Variants in DLG2 observed in about 807,000 individuals in gnomAD.
DLG2 encodes disks large homolog 2.
Under a neutral mutation model 132.5 loss-of-function variants are expected in DLG2, and 45 were observed. The ratio of observed to expected loss-of-function variants is 0.34; its 90% CI spans 0.27 to 0.44. The LOEUF is 0.44. Ranked by LOEUF, DLG2 falls within the 20% of genes least tolerant of loss-of-function variation. The pLI is 1.00. For missense variants in DLG2, 1,045 were observed against 1,196.9 expected, an observed-to-expected ratio of 0.87 and a Z score of 1.87; for synonymous variants, 424 against 419.6, an observed-to-expected ratio of 1.01 and a Z score of -0.13.
Position 85,144,886 on chromosome 11 carries a change from A to G in DLG2, c.282+9670T>C, listed in dbSNP as rs1259663563. Among the ~76,000 whole-genome samples the G allele has an allele frequency of 4.6e-5, 7 of 152,136 alleles. No individual in the cohort carries two copies. The South Asian group carries it at 8.3e-4, about 18-fold the overall frequency. On this transcript the variant is annotated intron_variant, in intron 5 of 27. Coordinates refer to ENST00000376104, the MANE Select transcript of DLG2 (RefSeq NM_001142699.3). ...CAATTACAGTGTTGCAGTATTCTGT[A>G]TTTGGCTGTGTATTTGCTGTTACCA...
intron 2 of DLG2, among the ~76,000 whole-genome samples, chr11:85,604,714 TA>T (rs2153236355): frequency 6.6e-6 from 1 of 152,060 alleles, no homozygotes; most frequent in South Asian, 2.1e-4. Context: ...CTTTTTAAAA[TA>T]AGAAATTTTT....
intron 4 of DLG2, among the ~76,000 whole-genome samples, chr11:85,174,540 A>T (rs1361175173): frequency 6.6e-6 from 1 of 152,200 alleles, no homozygotes; most frequent in Non-Finnish European, 1.5e-5. Flanking sequence ...ACAACCTAAC[A>T]TCACAACTAG....
chr11:85,534,073 C>T (rs2075402748), intron 3 of DLG2, among the ~76,000 whole-genome samples: 1 of 152,042 alleles, frequency 6.6e-6, no homozygotes, highest in Non-Finnish European at 1.5e-5. Context: ...CTGCAGTCCC[C>T]ACCTCCCAGG....
intron 17 of DLG2, 69 bp downstream of exon 17, chr11:83,833,545 T>G: frequency 6.8e-7 from 1 of 1,475,970 alleles, no homozygotes. Context: ...GTATCATAAT[T>G]GAAAGTTATG....
chr11:83,581,356 G>T (rs976090439), intron 19 of DLG2, among the ~76,000 whole-genome samples: 1 of 152,110 alleles, frequency 6.6e-6, no homozygotes, highest in African/African-American at 2.4e-5. Context: ...GAAAGTCTCA[G>T]ATTCAAGAAA....
intron 7 of DLG2, among the ~76,000 whole-genome samples, chr11:84,440,399 TA>T (rs1751953767): frequency 1.3e-5 from 2 of 152,116 alleles, no homozygotes; most frequent in African/African-American, 4.8e-5. Flanking sequence ...AGAATGGCCA[TA>T]AAATTCTCAG....
At chr11:84,733,846 TTCTAC>T (rs1315715211) in intron 6 of DLG2, among the ~76,000 whole-genome samples, 2 of 152,232 alleles carry the variant, frequency 1.3e-5, no homozygotes, top group African/African-American at 4.8e-5. Context: ...AGTTTCAGCT[TTCTAC>T]ATATGGCTAG....
intron 19 of DLG2, among the ~76,000 whole-genome samples, chr11:83,600,611 G>A (rs1285703720): frequency 1.3e-5 from 2 of 152,154 alleles, no homozygotes; most frequent in African/African-American, 4.8e-5. Flanking sequence ...GCAAATACAC[G>A]GCCCTCCTGT....
chr11:84,359,697 T>C (rs1427019108), intron 7 of DLG2, among the ~76,000 whole-genome samples: 1 of 151,888 alleles, frequency 6.6e-6, no homozygotes, highest in Non-Finnish European at 1.5e-5. Flanking sequence ...TCTAATTTAT[T>C]TAGCCCTTCC....
intron 8 of DLG2, among the ~76,000 whole-genome samples, chr11:84,227,770 T>C (rs1056857943): frequency 2.2e-4 from 34 of 151,988 alleles, no homozygotes; most frequent in South Asian, 1.0e-3. Context: ...AAAAATTAGC[T>C]AGCTGTGGTG....
rs10661977 is a variant in DLG2 at position 83,668,724 on chromosome 11, AAC to A, written c.1826-35401_1826-35400del. 4.4e-4 allele frequency among the ~76,000 whole-genome samples: 4 copies of A among 9,142 alleles called. 1 individual carries two copies. In the South Asian group the frequency reaches 0.017, roughly 38 times the overall value. 6.0% of individuals were successfully genotyped at this position (9,142 alleles called of 152,430 possible). On this transcript the variant is annotated intron_variant, in intron 18 of 27. Transcript: ENST00000376104. Reference sequence around the variant, plus strand: ...ATAAACACATATATATGTGTATATAAACACATATATATGTGTATATAAACACA... The same window carrying A: ...ATAAACACATATATATGTGTATATAAACATATATATGTGTATATAAACACA...
intron 19 of DLG2, among the ~76,000 whole-genome samples, chr11:83,619,248 C>T (rs1250927268): frequency 6.6e-6 from 1 of 152,208 alleles, no homozygotes; most frequent in Non-Finnish European, 1.5e-5. Context: ...CCATCTTTAA[C>T]GTCCTCATTT....
At chr11:84,296,970 G>A (rs1322198545) in intron 7 of DLG2, among the ~76,000 whole-genome samples, 2 of 152,020 alleles carry the variant, frequency 1.3e-5, no homozygotes, top group Non-Finnish European at 2.9e-5. Flanking sequence ...AGGGGGGAAA[G>A]GGTCAATAGC....
chr11:84,079,527 C>T (rs2096874625), intron 10 of DLG2, among the ~76,000 whole-genome samples: 2 of 152,146 alleles, frequency 1.3e-5, no homozygotes, highest in African/African-American at 4.8e-5. Context: ...AGGTGATCCA[C>T]CCACCTCAGC....
In DLG2 at chr11:84,099,012, C is replaced by A. The variant is rs188671875; in HGVS notation, c.660G>T (p.Gly220=). The change falls in exon 10 of 28, where the codon GGG becomes GGT. Residue 220 remains glycine, a synonymous_variant. Coordinates refer to ENST00000376104, the MANE Select transcript of DLG2 (RefSeq NM_001142699.3). ...NSGLGFSIAG[G]TDNPHIGDDP... The stretch of plus-strand genomic sequence containing the variant: ...CATCTCCAATGTGGGGATTATCTGT[C>A]CCCCCAGCAATACTGAATCCCAGGC... 189 of 1,612,764 alleles carry A rather than the reference C, an allele frequency of 1.2e-4. No individual in the cohort carries two copies. The African/African-American group carries it at 2.2e-3, about 19-fold the overall frequency.
At chr11:84,788,228 T>C (rs1367251243) in intron 6 of DLG2, among the ~76,000 whole-genome samples, 2 of 145,638 alleles carry the variant, frequency 1.4e-5, no homozygotes, top group African/African-American at 2.6e-5. Context: ...CAGTCACAAA[T>C]AATGGGGGTC....
intron 11 of DLG2, among the ~76,000 whole-genome samples, chr11:84,029,729 C>T (rs75763350): frequency 0.011 from 1,728 of 152,238 alleles, 27 homozygotes; most frequent in African/African-American, 0.039. Flanking sequence ...TTCTCTCACA[C>T]TTCACTAGGT....
chr11:84,194,812 C>A (rs1450799577), intron 8 of DLG2, among the ~76,000 whole-genome samples: 1 of 152,226 alleles, frequency 6.6e-6, no homozygotes, highest in African/African-American at 2.4e-5. Flanking sequence ...CCTGCGCCCA[C>A]ACTCCTCAGC....
intron 21 of DLG2, among the ~76,000 whole-genome samples, chr11:83,490,108 T>C (rs1290170632): frequency 6.6e-6 from 1 of 152,008 alleles, no homozygotes; most frequent in Non-Finnish European, 1.5e-5. Context: ...TAGAATGTTT[T>C]AGAGAAATGG....
Sources: gnomAD v4.1 joint callset for allele counts (sites outside exome capture counted in the v4.1 genomes callset) on GRCh38, gnomAD v4.1.1 for gene constraint, MANE v1.5 for transcripts, NCBI Gene and HGNC (gene_info 2026-07-23, HGNC 2026-07-21) for gene names.